PTPRD: variants seen among roughly 807,000 people sequenced by gnomAD.
PTPRD encodes protein tyrosine phosphatase receptor type D.
In PTPRD, 34 loss-of-function variants were observed where a neutral mutation model predicts 214.5. The observed-to-expected ratio is 0.16, with a 90% confidence interval of 0.12 to 0.21. PTPRD has a LOEUF of 0.21. PTPRD is among the 10% of genes least tolerant of loss of function. The pLI, the probability that PTPRD is intolerant of heterozygous loss-of-function variation, is 1.00. For synonymous variants in PTPRD, 1,128 were observed against 845.7 expected, an observed-to-expected ratio of 1.33 and a Z score of -5.79; for missense variants, 2,545 against 2,398.7, an observed-to-expected ratio of 1.06 and a Z score of -1.27.
chr9:8,469,938 T>C (rs536240421), intron 31 of PTPRD, among the ~76,000 whole-genome samples: 5 of 152,252 alleles, frequency 3.3e-5, no homozygotes, highest in African/African-American at 1.2e-4. Flanking sequence ...TGTGCAGACA[T>C]AGATATGAAA....
At chr9:10,480,988 A>G (rs2099093910) in intron 2 of PTPRD, among the ~76,000 whole-genome samples, 1 of 152,080 alleles carries the variant, frequency 6.6e-6, no homozygotes, top group East Asian at 1.9e-4. Context: ...ACTCAAGTCG[A>G]GTCAATAATA....
intron 3 of PTPRD, among the ~76,000 whole-genome samples, chr9:10,193,759 C>G (rs2099384718): frequency 2.6e-5 from 4 of 151,984 alleles, no homozygotes; most frequent in Admixed American, 2.0e-4. Flanking sequence ...TTTAGGAAAG[C>G]AATTGAATAT....
chr9:8,890,122 G>C (rs1344113385), intron 11 of PTPRD, among the ~76,000 whole-genome samples: 2 of 152,038 alleles, frequency 1.3e-5, no homozygotes, highest in Non-Finnish European at 2.9e-5. Flanking sequence ...ATTTGAATTA[G>C]ATATATGATC....
chr9:8,416,079 A>C (rs1057460037), intron 35 of PTPRD, among the ~76,000 whole-genome samples: 3 of 151,886 alleles, frequency 2.0e-5, no homozygotes, highest in African/African-American at 7.3e-5. Context: ...AAAGTGAAAA[A>C]AAATATTTCC....
At chr9:10,567,633 C>G (rs1227276242) in intron 2 of PTPRD, among the ~76,000 whole-genome samples, 1 of 151,888 alleles carries the variant, frequency 6.6e-6, no homozygotes, top group Non-Finnish European at 1.5e-5. Context: ...ATGGAATAAA[C>G]TGTAAAAATC....
At chr9:9,968,079 A>C (rs1395483076) in intron 4 of PTPRD, among the ~76,000 whole-genome samples, 1 of 152,202 alleles carries the variant, frequency 6.6e-6, no homozygotes, top group Non-Finnish European at 1.5e-5. Context: ...CCATTACTTT[A>C]AAGATTTTGG....
chr9:10,592,332 GTAAACT>G (rs1285082341), intron 2 of PTPRD, among the ~76,000 whole-genome samples: 1 of 152,016 alleles, frequency 6.6e-6, no homozygotes, highest in Non-Finnish European at 1.5e-5. Context: ...TACCCTTTGG[GTAAACT>G]TACTCATTAT....
chr9:8,941,591 T>C (rs1265927214), intron 11 of PTPRD, among the ~76,000 whole-genome samples: 1 of 151,764 alleles, frequency 6.6e-6, no homozygotes, highest in Non-Finnish European at 1.5e-5. Flanking sequence ...TTGGGTGGAG[T>C]TTAAATATGC....
At chr9:8,968,778 AGTTT>A (rs58124796) in intron 11 of PTPRD, among the ~76,000 whole-genome samples, 23,969 of 152,004 alleles carry the variant, frequency 0.16, 1,997 homozygotes, top group South Asian at 0.21. Flanking sequence ...TTAAACAGTA[AGTTT>A]GTGTGACATA....
At chr9:9,916,074 T>C (rs1413536971) in intron 5 of PTPRD, among the ~76,000 whole-genome samples, 1 of 144,984 alleles carries the variant, frequency 6.9e-6, no homozygotes, top group Non-Finnish European at 1.5e-5. Flanking sequence ...TCCAAAGTAC[T>C]AAAATTAAAA....
intron 3 of PTPRD, among the ~76,000 whole-genome samples, chr9:10,154,459 T>C (rs771717268): frequency 7.2e-5 from 11 of 152,192 alleles, no homozygotes; most frequent in African/African-American, 2.4e-4. Flanking sequence ...AGAAGTTATT[T>C]AGTTTAATTA....
At chr9:8,905,134 A>G (rs1248176379) in intron 11 of PTPRD, among the ~76,000 whole-genome samples, 7 of 152,210 alleles carry the variant, frequency 4.6e-5, no homozygotes, top group Non-Finnish European at 5.9e-5. Flanking sequence ...TTGGGTGGCT[A>G]AAAGTCAAGA....
intron 4 of PTPRD, among the ~76,000 whole-genome samples, chr9:9,953,994 G>A (rs2093677041): frequency 6.6e-6 from 1 of 151,802 alleles, no homozygotes; most frequent in Admixed American, 6.6e-5. Flanking sequence ...TAGGTATATA[G>A]GGCACTTGAT....
intron 8 of PTPRD, among the ~76,000 whole-genome samples, chr9:9,542,708 C>T (rs964100768): frequency 6.6e-6 from 1 of 151,540 alleles, no homozygotes; most frequent in Non-Finnish European, 1.5e-5. Flanking sequence ...CAAGTGAAAA[C>T]GGTACTCAAC....
chr9:9,998,129 A>AAAT lies in PTPRD; in HGVS notation c.-472+35588_-472+35589insATT, dbSNP rs57991748. ...TTAAAGTATAATAAAAAAAAAAAAA[A>AAAT]ATATATATATATATATAAAAGAAGA... is the stretch of plus-strand genomic sequence containing the variant. On this transcript the variant is annotated intron_variant, in intron 4 of 45. Transcript: ENST00000381196. 1.2e-4 allele frequency among the ~76,000 whole-genome samples: 11 copies of AAAT among 91,460 alleles called. No individual in the cohort carries two copies. The South Asian group carries it at 3.0e-3, about 25-fold the overall frequency. 60.0% of individuals were successfully genotyped at this position (91,460 alleles called of 152,430 possible). A position where few individuals can be genotyped will look rare whatever the true frequency, so the allele number is the denominator to read the frequency against.
chr9:9,095,940 C>T (rs1368881447), intron 10 of PTPRD, among the ~76,000 whole-genome samples: 1 of 152,116 alleles, frequency 6.6e-6, no homozygotes, highest in Non-Finnish European at 1.5e-5. Flanking sequence ...CGAGATCTTG[C>T]CATTTGCCAT....
At chr9:9,098,120 C>A (rs1317763070) in intron 10 of PTPRD, among the ~76,000 whole-genome samples, 1 of 151,904 alleles carries the variant, frequency 6.6e-6, no homozygotes, top group Admixed American at 6.6e-5. Flanking sequence ...AGCAAATGTT[C>A]ATTAACCATG....
chr9:10,515,605 T>A (rs1425276236), intron 2 of PTPRD, among the ~76,000 whole-genome samples: 2 of 152,014 alleles, frequency 1.3e-5, no homozygotes, highest in East Asian at 1.9e-4. Context: ...ATACTTAATA[T>A]AAGATCTACC....
At chr9:8,519,368 T>C (rs1214671175) in intron 20 of PTPRD, among the ~76,000 whole-genome samples, 2 of 152,192 alleles carry the variant, frequency 1.3e-5, no homozygotes, top group East Asian at 3.8e-4. Context: ...ATAAACTGTC[T>C]GCTTTGCTGA....
Sources: allele counts gnomAD v4.1 joint callset (sites outside exome capture counted in the v4.1 genomes callset), GRCh38; gene constraint gnomAD v4.1.1; transcripts MANE v1.5; gene names NCBI Gene and HGNC (gene_info 2026-07-23, HGNC 2026-07-21).